Variants in SCHIP1 observed in about 807,000 individuals in gnomAD.
SCHIP1 encodes schwannomin-interacting protein 1.
In SCHIP1, 8 loss-of-function variants were observed where a neutral mutation model predicts 29.7. That is an observed-to-expected ratio of 0.27 (90% CI 0.16 to 0.49). The LOEUF (loss-of-function observed/expected upper bound fraction) is 0.49. SCHIP1 is among the 20% of genes least tolerant of loss of function. The probability of loss-of-function intolerance (pLI) is 0.99; values close to 1 mark genes in which losing one functional copy is unlikely to be tolerated. For synonymous variants in SCHIP1, 76 were observed against 94.9 expected, an observed-to-expected ratio of 0.80 and a Z score of 1.16; for missense variants, 193 against 294.6, an observed-to-expected ratio of 0.66 and a Z score of 2.52.
chr3:159,840,860 G>A (rs1744154088), intron 1 of SCHIP1, among the ~76,000 whole-genome samples: 2 of 152,204 alleles, frequency 1.3e-5, no homozygotes, highest in Admixed American at 1.3e-4. Context: ...TGCTACTGGA[G>A]TTATGAATTA....
chr3:159,574,474 C>A, the SCHIP1 span, among the ~76,000 whole-genome samples: 1 of 152,188 alleles, frequency 6.6e-6, no homozygotes, highest in East Asian at 1.9e-4. Context: ...CTGATCCTTC[C>A]TCTGGAAGCT....
the SCHIP1 span, chr3:159,398,959 G>A: frequency 5.1e-6 from 5 of 983,708 alleles, no homozygotes; most frequent in African/African-American, 7.0e-5. Flanking sequence ...ACAAGTGTGG[G>A]CAATTTGCCC....
the SCHIP1 span, among the ~76,000 whole-genome samples, chr3:159,566,401 T>A: frequency 3.3e-5 from 5 of 152,244 alleles, no homozygotes; most frequent in Admixed American, 2.0e-4. Flanking sequence ...GACACTGCAG[T>A]AAACAAAAAT....
At chr3:159,502,856 C>A in the SCHIP1 span, among the ~76,000 whole-genome samples, 1 of 152,308 alleles carries the variant, frequency 6.6e-6, no homozygotes, top group African/African-American at 2.4e-5. Context: ...TGAACAATCA[C>A]AGGTTCCCAC....
chr3:159,419,800 A>C, the SCHIP1 span, among the ~76,000 whole-genome samples: 10 of 151,988 alleles, frequency 6.6e-5, no homozygotes, highest in Non-Finnish European at 1.3e-4. Context: ...CAAACGCTAA[A>C]CTCCATCTTA....
chr3:159,328,443 AAG>A, the SCHIP1 span, among the ~76,000 whole-genome samples: 5 of 152,280 alleles, frequency 3.3e-5, no homozygotes, highest in Admixed American at 3.3e-4. Flanking sequence ...TGAGGCCTAA[AAG>A]AGACAGTGGT....
chr3:159,678,142 C>T, the SCHIP1 span, among the ~76,000 whole-genome samples: 1 of 152,250 alleles, frequency 6.6e-6, no homozygotes, highest in Non-Finnish European at 1.5e-5. Flanking sequence ...TTCATCTCCT[C>T]TTTTGAATCC....
chr3:159,368,800 G>C, the SCHIP1 span, among the ~76,000 whole-genome samples: 1 of 152,192 alleles, frequency 6.6e-6, no homozygotes, highest in Admixed American at 6.5e-5. Context: ...GCTTGTGAGA[G>C]ATGAGTTTGG....
the SCHIP1 span, among the ~76,000 whole-genome samples, chr3:159,423,813 T>C: frequency 0.039 from 5,963 of 151,874 alleles, 417 homozygotes; most frequent in African/African-American, 0.14. Flanking sequence ...CACCCCCCAG[T>C]AGGGACAGAC....
chr3:159,495,134 A>C, the SCHIP1 span, among the ~76,000 whole-genome samples: 1 of 152,180 alleles, frequency 6.6e-6, no homozygotes, highest in African/African-American at 2.4e-5. Flanking sequence ...TCTATGACAA[A>C]CCCACAGCCA....
At chr3:159,866,473 A>G (rs182790285) in intron 2 of SCHIP1, among the ~76,000 whole-genome samples, 192 bp downstream of exon 3, 55 of 151,434 alleles carry the variant, frequency 3.6e-4, no homozygotes, top group Admixed American at 1.9e-3. Flanking sequence ...TGTTGTTGTT[A>G]TTATTGGCTC....
the SCHIP1 span, among the ~76,000 whole-genome samples, chr3:159,539,636 T>C: frequency 7.4e-6 from 1 of 135,996 alleles, no homozygotes; most frequent in Non-Finnish European, 1.7e-5. Context: ...ATCTATACTA[T>C]GTCCTGGACC....
At chr3:159,750,970 G>T in the SCHIP1 span, among the ~76,000 whole-genome samples, 1 of 151,656 alleles carries the variant, frequency 6.6e-6, no homozygotes, top group African/African-American at 2.4e-5. Context: ...ATAATTGCAT[G>T]GGATCAATTT....
chr3:159,788,599 C>A, the SCHIP1 span, among the ~76,000 whole-genome samples: 126 of 152,312 alleles, frequency 8.3e-4, no homozygotes, highest in Middle Eastern at 3.4e-3. Context: ...AGAGCCCCCT[C>A]TCAGGGCCAA....
At chr3:159,432,803 A>G in the SCHIP1 span, among the ~76,000 whole-genome samples, 1 of 152,158 alleles carries the variant, frequency 6.6e-6, no homozygotes, top group East Asian at 1.9e-4. Context: ...TTGATAATAG[A>G]ATGGGAAAGG....
the SCHIP1 span, among the ~76,000 whole-genome samples, chr3:159,511,979 A>G: frequency 6.6e-6 from 1 of 152,158 alleles, no homozygotes. Context: ...AACTCAAAGG[A>G]AAAAAATGAT....
chr3:159,473,674 G>GAAAAAAAAAAAAAAAAAAAAGA, the SCHIP1 span, among the ~76,000 whole-genome samples: 1 of 81,438 alleles, frequency 1.2e-5, no homozygotes, highest in African/African-American at 4.7e-5. Context: ...ATGTAACTAC[G>GAAAAAAAAAAAAAAAAAAAAGA]AAAAAAAAAA....
chr3:159,809,940 GC>G, the SCHIP1 span, among the ~76,000 whole-genome samples: 122 of 152,322 alleles, frequency 8.0e-4, no homozygotes, highest in African/African-American at 2.6e-3. Flanking sequence ...GTTGCAGTCA[GC>G]CGAGATTGCA....
At chr3:159,420,820 C>G in the SCHIP1 span, among the ~76,000 whole-genome samples, 4 of 152,170 alleles carry the variant, frequency 2.6e-5, no homozygotes, top group African/African-American at 9.7e-5. Flanking sequence ...TGAGACATTT[C>G]TATGGCCACA....
Sources: allele counts gnomAD v4.1 joint callset (sites outside exome capture counted in the v4.1 genomes callset), GRCh38; gene constraint gnomAD v4.1.1; transcripts MANE v1.5; gene names NCBI Gene and HGNC (gene_info 2026-07-23, HGNC 2026-07-21).